Variants in DDHD2 observed in about 807,000 individuals in gnomAD.
DDHD2 encodes triacylglycerol hydrolase DDHD2.
In DDHD2, 62 loss-of-function variants were observed where a neutral mutation model predicts 91.2. The ratio of observed to expected loss-of-function variants is 0.68; its 90% CI spans 0.55 to 0.84. DDHD2 has a LOEUF of 0.84. Among genes scored for constraint, DDHD2 ranks in the 40% least tolerant of loss-of-function variants. DDHD2 has a pLI of 0.00. For synonymous variants in DDHD2, 271 were observed against 293.9 expected (o/e 0.92, Z 0.80); for missense variants, 740 against 846.9 (o/e 0.87, Z 1.57).
chr8:38,268,431 T>C (rs1209015410), intron 1 of DDHD2: 3 of 1,575,172 alleles, frequency 1.9e-6, no homozygotes, highest in Non-Finnish European at 2.6e-6. Context: ...GCCAGGAAGA[T>C]CAGAGACAGT....
At chr8:38,253,799 G>T in intron 16 of DDHD2, 81 bp downstream of exon 16, 1 of 1,426,020 alleles carries the variant, frequency 7.0e-7, no homozygotes, top group Admixed American at 1.8e-5. Flanking sequence ...AGGAGGATAG[G>T]CCAGGTGCAT....
At chr8:38,251,664 A>G (rs555284070) in intron 11 of DDHD2, 18 of 327,736 alleles carry the variant, frequency 5.5e-5, no homozygotes, top group Non-Finnish European at 9.3e-5. Context: ...TTTGGCTGCC[A>G]TTTCAGAACT....
downstream of DDHD2, chr8:38,264,643 G>T: frequency 6.5e-7 from 1 of 1,543,850 alleles, no homozygotes; most frequent in East Asian, 2.3e-5. Context: ...TTAATATTAG[G>T]CTCCTAAATC....
chr8:38,269,341 G>T, intron 1 of DDHD2: 1 of 884,984 alleles, frequency 1.1e-6, no homozygotes, highest in Non-Finnish European at 1.6e-6. Flanking sequence ...GCTGTGCCGA[G>T]GGCATCGTCT....
At chr8:38,257,398 G>A (rs1162983313) in intron 16 of DDHD2, among the ~76,000 whole-genome samples, 15 of 150,716 alleles carry the variant, frequency 1.0e-4, no homozygotes, top group African/African-American at 3.2e-4. Context: ...ACAGGTGTGC[G>A]CTACCATGCC....
At chr8:38,268,651 G>A (rs1392440692) in intron 1 of DDHD2, 1 of 1,436,120 alleles carries the variant, frequency 7.0e-7, no homozygotes, top group Non-Finnish European at 9.1e-7. Flanking sequence ...CGGTACCTCA[G>A]GCTGAGGCAC....
chr8:38,270,819 G>A (rs1808440969), intron 1 of DDHD2: 1 of 152,186 alleles, frequency 6.6e-6, no homozygotes, highest in African/African-American at 2.4e-5. Flanking sequence ...TACTTTTACA[G>A]CCTACTGAAG....
At chr8:38,237,955 C>T (rs1232106187) in intron 4 of DDHD2, 134 bp from the exon 5 acceptor site, 19 of 818,794 alleles carry the variant, frequency 2.3e-5, no homozygotes, top group Non-Finnish European at 3.4e-5. Flanking sequence ...TCAAGCCATA[C>T]GAGTTGTATA....
At chr8:38,257,105 A>G (rs1427417018) in intron 16 of DDHD2, among the ~76,000 whole-genome samples, 1 of 151,412 alleles carries the variant, frequency 6.6e-6, no homozygotes, top group Non-Finnish European at 1.5e-5. Context: ...CTAATTTTTC[A>G]AATTTTTTTG....
intron 1 of DDHD2, among the ~76,000 whole-genome samples, chr8:38,232,717 T>C (rs1804381189): frequency 6.6e-6 from 1 of 152,212 alleles, no homozygotes. Flanking sequence ...GATTCTGGGT[T>C]TGTTTTATAA....
At chr8:38,257,238 G>GTTTTTTTT (rs749469533) in intron 16 of DDHD2, among the ~76,000 whole-genome samples, 1 of 63,804 alleles carries the variant, frequency 1.6e-5, no homozygotes, top group Non-Finnish European at 3.1e-5. Flanking sequence ...TGGCCAACAA[G>GTTTTTTTT]TTTTTTTTTT....
In DDHD2 at chr8:38,262,453, C is replaced by T. The variant is rs1016190936; in HGVS notation, c.*1880C>T. ...ACTGTGAAAGAGCTTTATATCTTGT[C>T]TATTCATGGTATTATAGCTGTATAT... is the stretch of plus-strand genomic sequence containing the variant. On this transcript the variant is annotated 3_prime_UTR_variant, in exon 18 of 18. Coordinates refer to ENST00000397166, the MANE Select transcript of DDHD2 (RefSeq NM_015214.3). The T allele has an allele frequency of 1.3e-5, 2 of 152,130 alleles. No homozygotes were observed. Among genetic ancestry groups the T allele is most frequent in the African/African-American group, 4.8e-5 (2 of 41,436 alleles). 9.4% of individuals were successfully genotyped at this position (152,130 alleles called of 1,614,324 possible). A position where few individuals can be genotyped will look rare whatever the true frequency, so the allele number is the denominator to read the frequency against.
At chr8:38,235,869 A>ATG (rs1337962884) in intron 3 of DDHD2, among the ~76,000 whole-genome samples, 274 of 87,300 alleles carry the variant, frequency 3.1e-3, no homozygotes, top group African/African-American at 0.01. Flanking sequence ...AAAAAAGTAC[A>ATG]CGCGCACACA....
chr8:38,252,984 G>A lies in DDHD2; in HGVS notation c.1748G>A (p.Ser583Asn), dbSNP rs1426451575. 2 of 1,614,178 alleles carry A rather than the reference G, an allele frequency of 1.2e-6. No individual in the cohort carries two copies. The highest frequency in any genetic ancestry group is 1.7e-6 in the Non-Finnish European group (2 of 1,180,024). ...LELREGLTRM[S>N]MDLKNNLLGS... ...CTGAGAGAGGGCTTGACCAGGATGA[G>A]TATGGACCTTAAGAACAACTTGCTA... Residue 583 changes from serine to asparagine, a missense_variant, in exon 15 of 18, where the codon AGT becomes AAT. Ser to Asn is a conservative substitution (Grantham distance 46). Coordinates refer to ENST00000397166, the MANE Select transcript of DDHD2 (RefSeq NM_015214.3).
chr8:38,238,679 C>A (rs1804999139), intron 5 of DDHD2: 1 of 971,582 alleles, frequency 1.0e-6, no homozygotes, highest in African/African-American at 1.8e-5. Flanking sequence ...TGGACAAAAT[C>A]CTAGCTTTAC....
chr8:38,242,493 C>A (rs1359032559), intron 7 of DDHD2, 108 bp downstream of exon 7: 1 of 1,203,638 alleles, frequency 8.3e-7, no homozygotes, highest in South Asian at 1.5e-5. Context: ...TTTAAAATTT[C>A]TTAGAGATAT....
chr8:38,234,013 T>C (rs1452300655), intron 2 of DDHD2, among the ~76,000 whole-genome samples: 1 of 152,134 alleles, frequency 6.6e-6, no homozygotes, highest in South Asian at 2.1e-4. Flanking sequence ...ACTTGTCTTT[T>C]CTTCTTTTAT....
In DDHD2 at chr8:38,262,836, A is replaced by C. The variant is rs1430568171; in HGVS notation, c.*2263A>C. 6.6e-6 allele frequency: 1 copy of C among 152,134 alleles called. No homozygotes were observed. Among genetic ancestry groups the C allele is most frequent in the Non-Finnish European group, 1.5e-5 (1 of 68,006 alleles). The allele number at this position is 152,134 out of a possible 1,614,324, so 9.4% of individuals were successfully genotyped here. On this transcript the variant is annotated 3_prime_UTR_variant, in exon 18 of 18. Transcript: ENST00000397166. The stretch of plus-strand genomic sequence containing the variant: ...AGTCAAGAAAATCAGTACAGTCACG[A>C]TTTTCTCTGTCTTTATGTATTACTA...
chr8:38,255,563 A>C (rs562359461), intron 16 of DDHD2, among the ~76,000 whole-genome samples: 1 of 152,336 alleles, frequency 6.6e-6, no homozygotes, highest in Non-Finnish European at 1.5e-5. Context: ...TCCATAATAA[A>C]TATATGTATG....
Sources: gnomAD v4.1 joint callset for allele counts (sites outside exome capture counted in the v4.1 genomes callset) on GRCh38, gnomAD v4.1.1 for gene constraint, MANE v1.5 for transcripts, NCBI Gene and HGNC (gene_info 2026-07-23, HGNC 2026-07-21) for gene names.